UBE2D3: variants seen among roughly 807,000 people sequenced by gnomAD.
UBE2D3 encodes the protein ubiquitin conjugating enzyme E2 D3, also known as ubiquitin-conjugating enzyme E2 D3.
In UBE2D3, 2 loss-of-function variants were observed where a neutral mutation model predicts 22.8. The observed-to-expected ratio is 0.09, with a 90% CI of 0.04 to 0.28. The LOEUF (loss-of-function observed/expected upper bound fraction) is 0.28. Ranked by LOEUF, UBE2D3 falls within the 10% of genes least tolerant of loss-of-function variation. UBE2D3 has a pLI of 1.00. For missense variants in UBE2D3, 27 were observed against 182.5 expected, an observed-to-expected ratio of 0.15 and a Z score of 4.91; for synonymous variants, 56 against 60.4, an observed-to-expected ratio of 0.93 and a Z score of 0.34.
In UBE2D3 at chr4:102,801,491, T is replaced by C; in HGVS notation, c.267A>G (p.Leu89=). 1.2e-6 allele frequency: 2 copies of C among 1,609,800 alleles called. No individual in the cohort carries two copies. The highest frequency in any genetic ancestry group is 1.1e-5 in the South Asian group (1 of 90,490). ...TTAAAGCAGGCGACCACTGTGATCTTAGAATATCGAGACAAATGCTGCCAT... is the reference window on the plus strand; with the variant it reads ...TTAAAGCAGGCGACCACTGTGATCTCAGAATATCGAGACAAATGCTGCCAT... ...NSNGSICLDI[L]RSQWSPALTI... Residue 89 remains leucine, a synonymous_variant, in exon 6 of 8, where the codon CTA becomes CTG. Transcript: ENST00000453744.
intron 1 of UBE2D3, among the ~76,000 whole-genome samples, chr4:102,860,980 A>G (rs1732872951): frequency 6.6e-6 from 1 of 151,972 alleles, no homozygotes; most frequent in African/African-American, 2.4e-5. Context: ...GTTGGTTGCT[A>G]TAAGCCTCTG....
At chr4:102,836,166 T>A (rs223376) in intron 1 of UBE2D3, among the ~76,000 whole-genome samples, 72,610 of 131,452 alleles carry the variant, frequency 0.55, 21,270 homozygotes, top group African/African-American at 0.76. Flanking sequence ...TTTTTTTTTG[T>A]GACTGAGTCT....
intron 1 of UBE2D3, among the ~76,000 whole-genome samples, chr4:102,847,276 TAC>T: frequency 6.6e-6 from 1 of 152,174 alleles, no homozygotes; most frequent in African/African-American, 2.4e-5. Flanking sequence ...ATGCTCCACA[TAC>T]AGTCATTTTC....
intron 1 of UBE2D3, among the ~76,000 whole-genome samples, chr4:102,834,058 G>A (rs1731256418): frequency 6.6e-6 from 1 of 152,162 alleles, no homozygotes; most frequent in Admixed American, 6.5e-5. Flanking sequence ...CAGACTTCTT[G>A]AATGTCACTG....
At position 102,811,074 on chromosome 4, in the gene UBE2D3, G is replaced by A. The variant is rs533253102; in HGVS notation, c.25-1219C>T. 1.1e-4 allele frequency: 16 copies of A among 152,354 alleles called. 1 individual carries two copies. Among genetic ancestry groups the A allele is most frequent in the African/African-American group, 3.8e-4 (16 of 41,572 alleles). 9.4% of individuals were successfully genotyped at this position (152,354 alleles called of 1,614,324 possible). ...CCATTTGAACAGCAGAAGACCACTA[G>A]GTACGTGGCTCATGCCTGTAATCCT... On this transcript the variant is annotated intron_variant, in intron 2 of 7. Transcript: ENST00000453744.
rs1203932503 is a variant in UBE2D3 at position 102,794,689 on chromosome 4, T to C, written c.*2726A>G. ...AAAAACAAACAAAAAAAAAAGTGAG[T>C]GTTTCACTACCCCTGAGACCACTAG... On this transcript the variant is annotated 3_prime_UTR_variant, in exon 8 of 8. Transcript: ENST00000453744. The C allele has an allele frequency of 6.7e-6, 1 of 149,346 alleles. No individual in the cohort carries two copies. Among genetic ancestry groups the C allele is most frequent in the African/African-American group, 2.5e-5 (1 of 40,536 alleles). 9.3% of individuals were successfully genotyped at this position (149,346 alleles called of 1,614,324 possible).
chr4:102,868,340 T>C (rs1733269807), intron 1 of UBE2D3, among the ~76,000 whole-genome samples: 1 of 150,406 alleles, frequency 6.6e-6, no homozygotes, highest in African/African-American at 2.5e-5. Flanking sequence ...AGTGCTGGGA[T>C]TACAGACGTG....
At chr4:102,825,491 G>A (rs1730311945) in intron 2 of UBE2D3, 2 of 1,152,894 alleles carry the variant, frequency 1.7e-6, no homozygotes, top group South Asian at 3.5e-5. Flanking sequence ...ATTACGAAAG[G>A]AGATGCCGGA....
intron 1 of UBE2D3, chr4:102,827,082 G>A (rs956142611): frequency 3.0e-6 from 3 of 989,228 alleles, no homozygotes; most frequent in Admixed American, 6.1e-5. Flanking sequence ...TAAAGGAAGG[G>A]AGACTTGATG....
At chr4:102,809,354 T>C (rs1727586937) in intron 4 of UBE2D3, 1 of 300,306 alleles carries the variant, frequency 3.3e-6, no homozygotes, top group East Asian at 7.6e-5. Context: ...CCAGTAACTT[T>C]GTCTCTATAA....
At chr4:102,827,689 C>A (rs558072660), upstream of UBE2D3, 30 of 984,988 alleles carry the variant, frequency 3.0e-5, no homozygotes, top group South Asian at 1.3e-3. Flanking sequence ...CGTCCGGGGC[C>A]GAGTGAATAC....
At chr4:102,852,130 T>C (rs1401828663) in intron 1 of UBE2D3, among the ~76,000 whole-genome samples, 2 of 152,216 alleles carry the variant, frequency 1.3e-5, no homozygotes, top group Non-Finnish European at 2.9e-5. Context: ...AGGTATACTC[T>C]TTTACTATTT....
chr4:102,798,297 T>TATATATATATATATATGC (rs1481588683), intron 7 of UBE2D3, among the ~76,000 whole-genome samples: 3 of 146,674 alleles, frequency 2.0e-5, no homozygotes, highest in African/African-American at 7.7e-5. Context: ...TATATATATA[T>TATATATATATATATATGC]GCACAGGAGA....
At position 102,798,313 on chromosome 4, in the gene UBE2D3, T is replaced by C. The variant is rs567733981; in HGVS notation, c.399-853A>G. Among the ~76,000 whole-genome samples the C allele has an allele frequency of 2.0e-5, 3 of 146,736 alleles. No homozygotes were observed. In the East Asian group the frequency reaches 5.9e-4, roughly 29 times the overall value. The stretch of plus-strand genomic sequence containing the variant: ...ATATATATATGCACAGGAGAATTTT[T>C]ATATTGTTTAAATATTAACTAGCTT... On this transcript the variant is annotated intron_variant, in intron 7 of 7. Transcript: ENST00000453744.
At chr4:102,825,379 GTTTAAGAGTTTGAAT>G (rs1730298465) in intron 2 of UBE2D3, 1 of 1,028,196 alleles carries the variant, frequency 9.7e-7, no homozygotes, top group African/African-American at 1.7e-5. Context: ...GGGAAATACA[GTTTAAGAGTTTGAAT>G]TTAGGTAAGT....
At chr4:102,809,632 T>C (rs766364686) in intron 4 of UBE2D3, 40 bp downstream of exon 4, 4 of 1,555,624 alleles carry the variant, frequency 2.6e-6, no homozygotes, top group South Asian at 2.4e-5. Context: ...CAATGCTGGA[T>C]TTTCACTTAA....
intron 1 of UBE2D3, among the ~76,000 whole-genome samples, chr4:102,853,364 G>A (rs952578092): frequency 6.6e-6 from 1 of 151,726 alleles, no homozygotes; most frequent in Non-Finnish European, 1.5e-5. Context: ...TTGAACATGT[G>A]AGACAAAATT....
upstream of UBE2D3, chr4:102,828,318 G>T (rs952989092): frequency 4.2e-5 from 41 of 969,048 alleles, no homozygotes; most frequent in Non-Finnish European, 4.9e-5. Flanking sequence ...GGTGGAGCAG[G>T]TGAGCAGTAT....
In UBE2D3 at chr4:102,801,446, A is replaced by G; in HGVS notation, c.304+8T>C. 1.9e-6 allele frequency: 3 copies of G among 1,597,608 alleles called. No homozygotes were observed. The highest frequency in any genetic ancestry group is 2.2e-5 in the South Asian group (2 of 90,154). On this transcript the variant is annotated splice_region_variant and intron_variant, in intron 6 of 7. Transcript: ENST00000453744. ...ATGAGAACAGCTTATTTCACTAGAA[A>G]TATTTACCTTTAGAAATTGTTAAAG... is the stretch of plus-strand genomic sequence containing the variant.
Sources: gnomAD v4.1 joint callset for allele counts (sites outside exome capture counted in the v4.1 genomes callset) on GRCh38, gnomAD v4.1.1 for gene constraint, MANE v1.5 for transcripts, NCBI Gene and HGNC (gene_info 2026-07-23, HGNC 2026-07-21) for gene names.